IL2RA: variants seen among roughly 807,000 people sequenced by gnomAD.
IL2RA encodes the protein interleukin-2 receptor subunit alpha.
IL2RA carries 24 observed loss-of-function variants against 37.8 expected under a neutral mutation model. The ratio of observed to expected loss-of-function variants is 0.63; its 90% CI spans 0.46 to 0.89. The LOEUF is 0.89. IL2RA is among the 40% of genes least tolerant of loss of function. IL2RA has a pLI of 0.00. For missense variants in IL2RA, 319 were observed against 348.6 expected (o/e 0.92, Z 0.68); for synonymous variants, 125 against 114.6 (o/e 1.09, Z -0.58).
At chr10:6,038,254 G>T (rs1344518481) in intron 1 of IL2RA, among the ~76,000 whole-genome samples, 3 of 152,202 alleles carry the variant, frequency 2.0e-5, no homozygotes, top group African/African-American at 4.8e-5. Flanking sequence ...TCTGTTGAAG[G>T]TTATCTCTTA....
chr10:6,060,969 T>C (rs1840113353), intron 1 of IL2RA, among the ~76,000 whole-genome samples: 1 of 152,128 alleles, frequency 6.6e-6, no homozygotes, highest in Admixed American at 6.5e-5. Context: ...TTATAGACTT[T>C]CAAAAAACAC....
intron 1 of IL2RA, among the ~76,000 whole-genome samples, chr10:6,031,475 T>A (rs866738866): frequency 6.3e-5 from 1 of 15,872 alleles, no homozygotes. Flanking sequence ...TATATATATA[T>A]ATATATATAT....
intron 7 of IL2RA, among the ~76,000 whole-genome samples, chr10:6,016,229 C>T (rs1028888500): frequency 6.6e-6 from 1 of 152,216 alleles, no homozygotes; most frequent in Admixed American, 6.5e-5. Context: ...CTCCTGCTGT[C>T]TCTCACTCTC....
In IL2RA at chr10:6,018,817, A is replaced by C. The variant is rs926617792; in HGVS notation, c.727+611T>G. ...ACTCACACATTCTGCAGTGTAAGGA[A>C]GGGGTCCTTTCAGTCAACCAACCAA... is the stretch of plus-strand genomic sequence containing the variant. On this transcript the variant is annotated intron_variant, in intron 6 of 7. Coordinates refer to ENST00000379959, the MANE Select transcript of IL2RA (RefSeq NM_000417.3). This position sits in a 1 kb window ranked among gnomAD's most constrained non-coding sequence, Gnocchi z 5.1. 6.6e-6 allele frequency among the ~76,000 whole-genome samples: 1 copy of C among 152,194 alleles called. No individual in the cohort carries two copies. Among genetic ancestry groups the C allele is most frequent in the Non-Finnish European group, 1.5e-5 (1 of 68,026 alleles).
chr10:6,039,783 C>A (rs990209658), intron 1 of IL2RA: 1 of 152,216 alleles, frequency 6.6e-6, no homozygotes, highest in African/African-American at 2.4e-5. Flanking sequence ...AATCATGTAA[C>A]CATAGGAGCT....
Position 6,015,088 on chromosome 10 carries a change from TTTTC to T in IL2RA, c.795-2196_795-2193del, listed in dbSNP as rs558488403. ...ACTTTTTCTTTTTCTTTCTTTTCTT[TTTTC>T]TTTCTTTCTTTTTTTTTTTAAACAG... On this transcript the variant is annotated intron_variant, in intron 7 of 7. Coordinates refer to ENST00000379959, the MANE Select transcript of IL2RA (RefSeq NM_000417.3). This position sits in a 1 kb window ranked among gnomAD's most constrained non-coding sequence, Gnocchi z 4.9. Among the ~76,000 whole-genome samples the T allele has an allele frequency of 3.3e-3, 505 of 151,856 alleles. 2 individuals are homozygous for T. Among genetic ancestry groups the T allele is most frequent in the African/African-American group, 0.011 (468 of 41,398 alleles).
chr10:6,033,074 G>C lies in IL2RA; in HGVS notation c.65-7049C>G, dbSNP rs1046097847. ...CAGTGTAAGTAATGTAATTACTTTG[G>C]AACACTATCTGAAAGTATTTGGCCA... On this transcript the variant is annotated intron_variant, in intron 1 of 7. Coordinates refer to ENST00000379959, the MANE Select transcript of IL2RA (RefSeq NM_000417.3). The surrounding 1 kb of genome is among the most constrained non-coding windows in gnomAD (Gnocchi z 4.3). Among the ~76,000 whole-genome samples, 2 of 152,056 alleles carry C rather than the reference G, an allele frequency of 1.3e-5. No homozygotes were observed. Among genetic ancestry groups the C allele is most frequent in the African/African-American group, 4.8e-5 (2 of 41,402 alleles).
At chr10:6,050,973 G>T (rs543591915) in intron 1 of IL2RA, among the ~76,000 whole-genome samples, 1 of 152,164 alleles carries the variant, frequency 6.6e-6, no homozygotes, top group African/African-American at 2.4e-5. Context: ...CAGCCAAAAG[G>T]CTCACCCTGT....
chr10:6,021,587 A>G lies in IL2RA; in HGVS notation c.474T>C (p.Ala158=). 1 of 1,613,932 alleles carries G rather than the reference A, an allele frequency of 6.2e-7. No homozygotes were observed. Among genetic ancestry groups the G allele is most frequent in the Non-Finnish European group, 8.5e-7 (1 of 1,179,950 alleles). Residue 158 remains alanine (A), a synonymous_variant, in exon 4 of 8, where the codon GCT becomes GCC. Transcript: ENST00000379959. This position sits in a 1 kb window ranked among gnomAD's most constrained non-coding sequence, Gnocchi z 4.9. ...VYYQCVQGYR[A]LHRGPAESVC... ...CGCTCTCAGCAGGACCTCTGTGTAG[A>G]GCCCTGTATCCCTGGACGCACTGAT...
intron 3 of IL2RA, among the ~76,000 whole-genome samples, chr10:6,023,320 GT>G (rs996043414): frequency 7.9e-5 from 12 of 151,758 alleles, no homozygotes; most frequent in East Asian, 5.8e-4. Flanking sequence ...GGTTCTGTGG[GT>G]TTTTTTTCTT....
Position 6,019,882 on chromosome 10 carries a change from C to A in IL2RA, c.643G>T (p.Val215Phe). The A allele has an allele frequency of 6.2e-7, 1 of 1,614,086 alleles. No individual in the cohort carries two copies. Among genetic ancestry groups the A allele is most frequent in the Non-Finnish European group, 8.5e-7 (1 of 1,179,940 alleles). Residue 215 changes from valine to phenylalanine, a missense_variant, in exon 5 of 8, where the codon GTC becomes TTC. Transcript: ENST00000379959. ...GRPESETSCLVTTTDFQIQTE... is the reference protein window; with the variant it reads ...GRPESETSCLFTTTDFQIQTE... ...TCTTCTCCCGCACCTGTTGTTGTGACGAGGCAGGAAGTCTCACTCTCAGGA... is the reference window on the plus strand; with the variant it reads ...TCTTCTCCCGCACCTGTTGTTGTGAAGAGGCAGGAAGTCTCACTCTCAGGA...
intron 1 of IL2RA, among the ~76,000 whole-genome samples, chr10:6,030,405 G>T (rs1839557846): frequency 6.6e-6 from 1 of 152,056 alleles, no homozygotes; most frequent in Non-Finnish European, 1.5e-5. Flanking sequence ...CAGAGGGAAA[G>T]GACACGTACC....
chr10:6,025,880 G>GTTTCCTGTACAGAGCATATAA lies in IL2RA; in HGVS notation c.209_210insTTATATGCTCTGTACAGGAAA (p.Tyr64_Asn70dup). ...GGTTGTCCCAGGACGAGTGGCTAGAGTTTCCTGTACAGAGCATATAGAGTG... is the reference window on the plus strand; with the variant it reads ...GGTTGTCCCAGGACGAGTGGCTAGAGTTTCCTGTACAGAGCATATAATTTCCTGTACAGAGCATATAGAGTG... On this transcript the variant is annotated inframe_insertion, in exon 2 of 8. Transcript: ENST00000379959. This position sits in a 1 kb window ranked among gnomAD's most constrained non-coding sequence, Gnocchi z 4.4. The GTTTCCTGTACAGAGCATATAA allele has an allele frequency of 6.2e-7, 1 of 1,614,236 alleles. No homozygotes were observed. The highest frequency in any genetic ancestry group is 1.1e-5 in the South Asian group (1 of 91,086).
chr10:6,052,906 G>A (rs1005818136), intron 1 of IL2RA, among the ~76,000 whole-genome samples: 1 of 152,212 alleles, frequency 6.6e-6, no homozygotes, highest in East Asian at 1.9e-4. Flanking sequence ...AGCTGCTCTG[G>A]GGGTAGAAGG....
chr10:6,061,390 A>C (rs932867430), intron 1 of IL2RA, among the ~76,000 whole-genome samples: 9 of 152,178 alleles, frequency 5.9e-5, no homozygotes, highest in Admixed American at 1.3e-4. Flanking sequence ...AAAAAAAAAA[A>C]ATCTTCGAGA....
At chr10:6,019,574 G>T in intron 5 of IL2RA, 75 bp from the exon 6 acceptor site, 2 of 1,120,618 alleles carry the variant, frequency 1.8e-6, no homozygotes, top group South Asian at 2.5e-5. Flanking sequence ...GGAAGTCAGG[G>T]TGTCTCTGTG....
intron 1 of IL2RA, among the ~76,000 whole-genome samples, chr10:6,053,748 G>C (rs1426484846): frequency 6.6e-6 from 1 of 152,164 alleles, no homozygotes; most frequent in African/African-American, 2.4e-5. Context: ...TCCCCTCTTG[G>C]CCCCCCAAAG....
chr10:6,050,902 T>A (rs1839942878), intron 1 of IL2RA, among the ~76,000 whole-genome samples: 1 of 152,034 alleles, frequency 6.6e-6, no homozygotes, highest in Non-Finnish European at 1.5e-5. Context: ...GTGAAACTGA[T>A]GGTCCGGTGG....
Position 6,054,165 on chromosome 10 carries a change from G to C in IL2RA, c.64+7923C>G, listed in dbSNP as rs557869407. On this transcript the variant is annotated intron_variant, in intron 1 of 7. Transcript: ENST00000379959. This position sits in a 1 kb window ranked among gnomAD's most constrained non-coding sequence, Gnocchi z 4.5. The stretch of plus-strand genomic sequence containing the variant: ...TAAGCAGGATGCCTGGATCCGGGTC[G>C]AGGGCTGCAGGCGGAGCTGCTGGTC... 6.6e-6 allele frequency among the ~76,000 whole-genome samples: 1 copy of C among 152,232 alleles called. No homozygotes were observed. Among genetic ancestry groups the C allele is most frequent in the African/African-American group, 2.4e-5 (1 of 41,456 alleles).
Sources: gnomAD v4.1 joint callset for allele counts (sites outside exome capture counted in the v4.1 genomes callset) on GRCh38, gnomAD v4.1.1 for gene constraint, Gnocchi (gnomAD v3.1) non-coding constraint, MANE v1.5 for transcripts, NCBI Gene and HGNC (gene_info 2026-07-23, HGNC 2026-07-21) for gene names.